QTMAN: variants seen among roughly 807,000 people sequenced by gnomAD.
QTMAN encodes the protein tRNA-queuosine alpha-mannosyltransferase.
chr2:144,264,139 A>T, the QTMAN span, among the ~76,000 whole-genome samples: 3 of 152,186 alleles, frequency 2.0e-5, no homozygotes, highest in African/African-American at 7.2e-5. Context: ...AATAACACCT[A>T]ATATTTATTT....
the QTMAN span, among the ~76,000 whole-genome samples, chr2:144,274,664 C>A: frequency 6.6e-6 from 1 of 152,212 alleles, no homozygotes; most frequent in Non-Finnish European, 1.5e-5. Flanking sequence ...GCAAGCTCTG[C>A]ACCCCACCAG....
chr2:144,132,997 G>C, the QTMAN span, among the ~76,000 whole-genome samples: 47 of 145,868 alleles, frequency 3.2e-4, no homozygotes, highest in Non-Finnish European at 6.1e-4. Context: ...GGAAGGTTTA[G>C]TGATTTGCCC....
chr2:144,248,382 T>C, the QTMAN span, among the ~76,000 whole-genome samples: 2 of 152,250 alleles, frequency 1.3e-5, no homozygotes, highest in African/African-American at 4.8e-5. Context: ...TGTGCTTTTC[T>C]GGTTTGCTGA....
the QTMAN span, among the ~76,000 whole-genome samples, chr2:144,327,305 T>C: frequency 6.6e-6 from 1 of 151,910 alleles, no homozygotes; most frequent in African/African-American, 2.4e-5. Flanking sequence ...AACAAGTAAA[T>C]GTGTTTCCCT....
chr2:144,304,567 T>A, the QTMAN span, among the ~76,000 whole-genome samples: 4 of 152,156 alleles, frequency 2.6e-5, no homozygotes, highest in Non-Finnish European at 5.9e-5. Flanking sequence ...GGATAGCAAG[T>A]ACACTAAACA....
the QTMAN span, among the ~76,000 whole-genome samples, chr2:143,979,574 C>T: frequency 6.6e-6 from 1 of 152,130 alleles, no homozygotes; most frequent in Non-Finnish European, 1.5e-5. Context: ...GCTTCCAGAC[C>T]TATTTCTATG....
chr2:144,246,512 G>A, the QTMAN span, among the ~76,000 whole-genome samples: 4 of 146,902 alleles, frequency 2.7e-5, no homozygotes, highest in African/African-American at 7.6e-5. Context: ...AGCGGAGCTT[G>A]CCGTGAGCCG....
At chr2:144,291,168 G>A in the QTMAN span, among the ~76,000 whole-genome samples, 1 of 152,092 alleles carries the variant, frequency 6.6e-6, no homozygotes, top group Non-Finnish European at 1.5e-5. Context: ...TATTAGATTA[G>A]GGCCCACCCT....
At chr2:144,282,821 C>T in the QTMAN span, among the ~76,000 whole-genome samples, 1 of 152,030 alleles carries the variant, frequency 6.6e-6, no homozygotes, top group African/African-American at 2.4e-5. Flanking sequence ...ACCTTCAGTT[C>T]CACCCAACTC....
the QTMAN span, among the ~76,000 whole-genome samples, chr2:144,256,670 G>A: frequency 1.3e-5 from 2 of 152,048 alleles, no homozygotes; most frequent in African/African-American, 4.8e-5. Flanking sequence ...TAGACACAGG[G>A]AGGGGAACAT....
chr2:144,114,444 T>C, the QTMAN span, among the ~76,000 whole-genome samples: 1 of 152,216 alleles, frequency 6.6e-6, no homozygotes, highest in African/African-American at 2.4e-5. Flanking sequence ...TATGGGGTGC[T>C]CCAAGTTACA....
the QTMAN span, among the ~76,000 whole-genome samples, chr2:144,182,447 C>T: frequency 6.6e-6 from 1 of 151,862 alleles, no homozygotes; most frequent in Admixed American, 6.6e-5. Flanking sequence ...ACAAGACCAG[C>T]CTGGCCAACA....
chr2:144,066,749 G>T, the QTMAN span, among the ~76,000 whole-genome samples: 1 of 152,200 alleles, frequency 6.6e-6, no homozygotes, highest in Non-Finnish European at 1.5e-5. Context: ...CTGGGAGGCG[G>T]AAGTTGCAGT....
At chr2:144,204,758 G>T in the QTMAN span, among the ~76,000 whole-genome samples, 1 of 152,002 alleles carries the variant, frequency 6.6e-6, no homozygotes, top group Admixed American at 6.5e-5. Flanking sequence ...GTCCAAAAAC[G>T]ATAGACTGGA....
chr2:144,259,627 T>C, the QTMAN span, among the ~76,000 whole-genome samples: 2 of 152,164 alleles, frequency 1.3e-5, no homozygotes, highest in African/African-American at 2.4e-5. Context: ...AATATACAAC[T>C]AAAAGAAAAT....
the QTMAN span, among the ~76,000 whole-genome samples, chr2:143,975,609 T>C: frequency 6.6e-6 from 1 of 152,246 alleles, no homozygotes; most frequent in Non-Finnish European, 1.5e-5. Flanking sequence ...CTTCCAGTAG[T>C]ATAAGGACAT....
At chr2:144,015,655 G>A in the QTMAN span, among the ~76,000 whole-genome samples, 2 of 152,156 alleles carry the variant, frequency 1.3e-5, no homozygotes, top group African/African-American at 2.4e-5. Context: ...TTAATTCAAT[G>A]GAAGTAATCA....
the QTMAN span, among the ~76,000 whole-genome samples, chr2:144,157,140 A>C: frequency 6.6e-6 from 1 of 152,106 alleles, no homozygotes; most frequent in African/African-American, 2.4e-5. Context: ...CAAGAAAAAA[A>C]GTTTGAAAAA....
the QTMAN span, among the ~76,000 whole-genome samples, chr2:144,332,103 C>T: frequency 6.6e-6 from 1 of 152,210 alleles, no homozygotes; most frequent in Non-Finnish European, 1.5e-5. Flanking sequence ...CGCAGAAAAC[C>T]AGCACGCACG....
Sources: allele counts gnomAD v4.1 joint callset (sites outside exome capture counted in the v4.1 genomes callset), GRCh38; gene constraint gnomAD v4.1.1; transcripts MANE v1.5; gene names NCBI Gene and HGNC (gene_info 2026-07-23, HGNC 2026-07-21).